Variants in NF1 observed in about 807,000 individuals in gnomAD.
NF1 encodes neurofibromin 1, also known as neurofibromin.
NF1 carries 122 observed loss-of-function variants against 325.7 expected under a neutral mutation model. That is an observed-to-expected ratio of 0.37 (90% CI 0.32 to 0.44). The LOEUF (loss-of-function observed/expected upper bound fraction) is 0.44, where lower values mean the gene tolerates loss of function less well. Among genes scored for constraint, NF1 ranks in the 20% least tolerant of loss-of-function variants. The pLI is 1.00. For missense variants in NF1, 2,140 were observed against 3,415.4 expected, an observed-to-expected ratio of 0.63 and a Z score of 9.31; for synonymous variants, 1,091 against 1,186.0, an observed-to-expected ratio of 0.92 and a Z score of 1.65.
At chr17:31,243,808 C>T (rs1481225858) in intron 29 of NF1, among the ~76,000 whole-genome samples, 1 of 152,004 alleles carries the variant, frequency 6.6e-6, no homozygotes, top group Admixed American at 6.6e-5. Flanking sequence ...CCCTACCCCA[C>T]TGTGTCAAGC....
intron 36 of NF1, chr17:31,307,796 A>T (rs2068763853): frequency 1.1e-6 from 1 of 898,258 alleles, no homozygotes. Context: ...GGTATACATG[A>T]TTAGAAACTA....
At chr17:31,332,081 A>C (rs964730631) in intron 39 of NF1, among the ~76,000 whole-genome samples, 2 of 152,094 alleles carry the variant, frequency 1.3e-5, no homozygotes, top group African/African-American at 4.8e-5. Context: ...TGACTACATA[A>C]AACTTCAAAA....
At chr17:31,239,963 A>G (rs1023094458) in intron 29 of NF1, among the ~76,000 whole-genome samples, 1 of 152,070 alleles carries the variant, frequency 6.6e-6, no homozygotes, top group East Asian at 1.9e-4. Flanking sequence ...AGGGTTTCAC[A>G]ATATTGGCCA....
At chr17:31,305,709 A>C (rs561229698) in intron 36 of NF1, 2 of 1,216,476 alleles carry the variant, frequency 1.6e-6, no homozygotes, top group East Asian at 4.9e-5. Context: ...TTTCATTATG[A>C]TTCCTGGCAT....
chr17:31,358,371 C>G, intron 54 of NF1, 109 bp from the exon 55 acceptor site: 1 of 1,175,860 alleles, frequency 8.5e-7, no homozygotes, highest in East Asian at 2.5e-5. Flanking sequence ...ACTCATCTCC[C>G]TTTAATTTTG....
intron 55 of NF1, 154 bp downstream of exon 55, chr17:31,358,776 A>G: frequency 8.6e-7 from 1 of 1,161,406 alleles, no homozygotes; most frequent in Non-Finnish European, 1.2e-6. Flanking sequence ...CTGTATGTCC[A>G]ATGTAACTGG....
intron 36 of NF1, among the ~76,000 whole-genome samples, chr17:31,324,180 C>T (rs1451589695): frequency 6.6e-6 from 1 of 152,100 alleles, no homozygotes; most frequent in Admixed American, 6.5e-5. Context: ...AATTCTCCTG[C>T]CTCAGCCTCC....
chr17:31,326,002 A>G lies in NF1; in HGVS notation c.5018A>G (p.Asn1673Ser), dbSNP rs1201910133. The change falls in exon 37 of 58, where the codon AAC becomes AGC. Residue 1673 changes from asparagine (N) to serine (S), a missense_variant. Physicochemically the swap from Asn to Ser is conservative, Grantham distance 46. This residue lies in a region of NF1 where 103 missense variants were observed against 214.6 expected (regional missense o/e 0.48). Transcript: ENST00000358273. ...FVVFPGFAYD[N>S]VSAVYIYNCN... is the part of the protein sequence containing the mutation. Reference sequence around the variant, plus strand: ...GTTTTTCCTGGCTTTGCTTACGACAACGTCTCCGCAGTCTATATCTATAAC... The same window carrying G: ...GTTTTTCCTGGCTTTGCTTACGACAGCGTCTCCGCAGTCTATATCTATAAC... 1.9e-6 allele frequency: 3 copies of G among 1,614,136 alleles called. No homozygotes were observed. The highest frequency in any genetic ancestry group is 1.3e-5 in the African/African-American group (1 of 75,016).
intron 29 of NF1, among the ~76,000 whole-genome samples, chr17:31,245,361 A>G (rs1183977121): frequency 2.0e-5 from 3 of 152,200 alleles, no homozygotes; most frequent in Non-Finnish European, 4.4e-5. Flanking sequence ...AACAACCATC[A>G]GCCATTCTCC....
At position 31,160,620 on chromosome 17, in the gene NF1, G is replaced by C. The variant is rs1666476830; in HGVS notation, c.288+1527G>C. Among the ~76,000 whole-genome samples, 3 of 152,122 alleles carry C rather than the reference G, an allele frequency of 2.0e-5. No homozygotes were observed. The South Asian group carries it at 6.2e-4, about 32-fold the overall frequency. On this transcript the variant is annotated intron_variant, in intron 3 of 57. Transcript: ENST00000358273. ...GATGGGCAAATTTTAAACTTTTCTT[G>C]AATCAGTTTTTTCCAGTGGTCTTAT...
chr17:31,247,344 C>T (rs886594368), intron 29 of NF1, among the ~76,000 whole-genome samples: 11 of 151,886 alleles, frequency 7.2e-5, no homozygotes, highest in Non-Finnish European at 1.2e-4. Flanking sequence ...CATAAGAGTA[C>T]GAGGAAAAAT....
rs1430674022 is a variant in NF1, at chr17:31,332,611, G to C, written c.5812+2113G>C. 2.1e-5 allele frequency among the ~76,000 whole-genome samples: 2 copies of C among 96,772 alleles called. 1 individual carries two copies. Among genetic ancestry groups the C allele is most frequent in the Non-Finnish European group, 5.3e-5 (2 of 37,654 alleles). 63.5% of individuals were successfully genotyped at this position (96,772 alleles called of 152,430 possible). A position where few individuals can be genotyped will look rare whatever the true frequency, so the allele number is the denominator to read the frequency against. On this transcript the variant is annotated intron_variant, in intron 39 of 57. Coordinates refer to ENST00000358273, the MANE Select transcript of NF1 (RefSeq NM_001042492.3). ...TTTTTATTATACTCTAAGTTTTAGG[G>C]TACATGTGCACATTGTGCAGGTTAG...
intron 3 of NF1, among the ~76,000 whole-genome samples, chr17:31,162,419 G>A (rs191979499): frequency 2.4e-4 from 36 of 152,374 alleles, no homozygotes; most frequent in African/African-American, 8.2e-4. Context: ...GGAAGTTGCA[G>A]TGAGCTGAGA....
Position 31,374,773 on chromosome 17 carries a change from G to A in NF1, c.*618G>A, listed in dbSNP as rs1597883594. ...GCAGGGAAATTTCATATTTTATAGT[G>A]GATTCTTAAGAAATACTAACACTTG... is the stretch of plus-strand genomic sequence containing the variant. On this transcript the variant is annotated 3_prime_UTR_variant, in exon 58 of 58. Coordinates refer to ENST00000358273, the MANE Select transcript of NF1 (RefSeq NM_001042492.3). 2.1e-5 allele frequency: 5 copies of A among 233,444 alleles called. No individual in the cohort carries two copies. The East Asian group carries it at 3.0e-4, about 14-fold the overall frequency. The allele number at this position is 233,444 out of a possible 1,614,324, so 14.5% of individuals were successfully genotyped here. A position where few individuals can be genotyped will look rare whatever the true frequency, so the allele number is the denominator to read the frequency against.
In NF1 at chr17:31,345,606, G is replaced by T. The variant is rs2069955029; in HGVS notation, c.7189+2471G>T. ...GTGCCAGAGGATCGCCCAGAACTTT[G>T]GTCTCCAGCATCTCTCCAGCGGCCA... is the stretch of plus-strand genomic sequence containing the variant. On this transcript the variant is annotated intron_variant, in intron 48 of 57. Transcript: ENST00000358273. 3 of 1,598,486 alleles carry T rather than the reference G, an allele frequency of 1.9e-6. No homozygotes were observed. In the South Asian group the frequency reaches 3.4e-5, roughly 18 times the overall value.
At chr17:31,195,466 G>A (rs2066418734) in intron 8 of NF1, among the ~76,000 whole-genome samples, 1 of 152,052 alleles carries the variant, frequency 6.6e-6, no homozygotes, top group Admixed American at 6.5e-5. Flanking sequence ...TCACATCGTT[G>A]TGCAATCAAT....
intron 12 of NF1, among the ~76,000 whole-genome samples, chr17:31,211,422 A>G (rs1002482398): frequency 5.9e-5 from 9 of 152,236 alleles, no homozygotes; most frequent in Admixed American, 5.9e-4. Flanking sequence ...AACAGAATTT[A>G]CATGTTGATA....
intron 1 of NF1, among the ~76,000 whole-genome samples, chr17:31,101,908 C>T (rs1022679389): frequency 1.3e-5 from 2 of 152,082 alleles, no homozygotes; most frequent in African/African-American, 2.4e-5. Context: ...TTCTGAAAAG[C>T]AAAGAACGCT....
chr17:31,247,794 T>C (rs769862668), intron 29 of NF1, among the ~76,000 whole-genome samples: 4 of 152,236 alleles, frequency 2.6e-5, no homozygotes, highest in Non-Finnish European at 4.4e-5. Context: ...CAATAGACTA[T>C]TATGCAGTAA....
Sources: gnomAD v4.1 joint callset for allele counts (sites outside exome capture counted in the v4.1 genomes callset) on GRCh38, gnomAD v4.1.1 for gene constraint, gnomAD v4.1.1 regional missense constraint, MANE v1.5 for transcripts, NCBI Gene and HGNC (gene_info 2026-07-23, HGNC 2026-07-21) for gene names.